DCC: variants seen among roughly 807,000 people sequenced by gnomAD.
DCC encodes the protein netrin receptor DCC.
DCC carries 58 observed loss-of-function variants against 172.5 expected under a neutral mutation model. The ratio of observed to expected loss-of-function variants is 0.34; its 90% CI spans 0.27 to 0.42. The LOEUF (loss-of-function observed/expected upper bound fraction) is 0.42. Ranked by LOEUF, DCC falls within the 10% of genes least tolerant of loss-of-function variation. The pLI, the probability that DCC is intolerant of heterozygous loss-of-function variation, is 1.00. For synonymous variants in DCC, 709 were observed against 644.5 expected (o/e 1.10, Z -1.52); for missense variants, 1,740 against 1,791.0 (o/e 0.97, Z 0.51).
intron 7 of DCC, among the ~76,000 whole-genome samples, chr18:53,156,830 A>G (rs1040304175): frequency 1.3e-5 from 2 of 152,168 alleles, no homozygotes; most frequent in African/African-American, 4.8e-5. Context: ...TCGTTTATTC[A>G]TTTATCCATA....
At chr18:53,088,061 G>A (rs1055782992) in intron 7 of DCC, among the ~76,000 whole-genome samples, 25 of 152,096 alleles carry the variant, frequency 1.6e-4, no homozygotes, top group Non-Finnish European at 1.3e-4. Flanking sequence ...TGTTCTTTTG[G>A]CTTAGGATTG....
intron 1 of DCC, among the ~76,000 whole-genome samples, chr18:52,694,977 G>A (rs1344144796): frequency 6.6e-6 from 1 of 152,170 alleles, no homozygotes; most frequent in Non-Finnish European, 1.5e-5. Context: ...GACACCTTCT[G>A]GGGGAATCAA....
At chr18:52,569,554 T>C (rs1446363199) in intron 1 of DCC, among the ~76,000 whole-genome samples, 1 of 152,202 alleles carries the variant, frequency 6.6e-6, no homozygotes, top group East Asian at 1.9e-4. Context: ...TAGAAGCTTG[T>C]GTTGAAGGGA....
At chr18:52,369,877 T>TA (rs1985042204) in intron 1 of DCC, among the ~76,000 whole-genome samples, 1 of 152,174 alleles carries the variant, frequency 6.6e-6, no homozygotes, top group African/African-American at 2.4e-5. Flanking sequence ...TCAACCTGAA[T>TA]ATGATTGGGA....
chr18:53,007,132 A>G (rs1464584964), intron 5 of DCC, among the ~76,000 whole-genome samples: 3 of 152,096 alleles, frequency 2.0e-5, no homozygotes, highest in Non-Finnish European at 4.4e-5. Context: ...TCCAAGCTTT[A>G]TACATAGAAC....
At chr18:53,001,031 G>A (rs1261204848) in intron 5 of DCC, among the ~76,000 whole-genome samples, 2 of 151,824 alleles carry the variant, frequency 1.3e-5, no homozygotes, top group African/African-American at 2.4e-5. Flanking sequence ...ACATCAAGTT[G>A]GTCGGTAGCT....
intron 1 of DCC, among the ~76,000 whole-genome samples, chr18:52,665,186 T>C (rs114114424): frequency 0.012 from 1,777 of 152,308 alleles, 36 homozygotes; most frequent in African/African-American, 0.039. Context: ...TTGAGTTTGA[T>C]GTGTGGTTTT....
chr18:53,441,123 T>C (rs1187119935), intron 22 of DCC, among the ~76,000 whole-genome samples: 1 of 152,192 alleles, frequency 6.6e-6, no homozygotes, highest in Non-Finnish European at 1.5e-5. Context: ...AGGGAGGGAA[T>C]CTTCCCAGTT....
chr18:52,821,564 C>T (rs751033588), intron 2 of DCC, among the ~76,000 whole-genome samples: 6 of 152,144 alleles, frequency 3.9e-5, no homozygotes, highest in Admixed American at 1.3e-4. Flanking sequence ...TTCAATGAGG[C>T]TTTTCTCTAA....
At chr18:53,516,832 A>ACC (rs1391310105) in intron 27 of DCC, among the ~76,000 whole-genome samples, 33 of 141,366 alleles carry the variant, frequency 2.3e-4, no homozygotes, top group Non-Finnish European at 6.0e-5. Flanking sequence ...AAATAGGAAC[A>ACC]CTTTGACACT....
intron 1 of DCC, among the ~76,000 whole-genome samples, chr18:52,688,413 T>C (rs1362437483): frequency 6.6e-6 from 1 of 152,154 alleles, no homozygotes; most frequent in African/African-American, 2.4e-5. Context: ...TACCCAGGTA[T>C]GTGTGACTCT....
chr18:53,235,959 T>C (rs543998134), intron 12 of DCC, among the ~76,000 whole-genome samples: 2 of 152,260 alleles, frequency 1.3e-5, no homozygotes, highest in Admixed American at 1.3e-4. Flanking sequence ...TTTTGTTAAG[T>C]ATAATTCCAT....
intron 1 of DCC, among the ~76,000 whole-genome samples, chr18:52,429,781 G>C (rs990816182): frequency 6.6e-6 from 1 of 152,062 alleles, no homozygotes; most frequent in African/African-American, 2.4e-5. Context: ...TTTATTACCA[G>C]TAACAGTCAT....
chr18:53,340,503 C>T (rs2057646423), intron 15 of DCC, among the ~76,000 whole-genome samples: 1 of 152,106 alleles, frequency 6.6e-6, no homozygotes, highest in Admixed American at 6.6e-5. Flanking sequence ...CCTGCCCCTA[C>T]CAATCTAGGT....
chr18:53,345,155 A>G (rs945854466), intron 15 of DCC, among the ~76,000 whole-genome samples: 2 of 151,608 alleles, frequency 1.3e-5, no homozygotes, highest in African/African-American at 4.8e-5. Context: ...AAACTTTTAT[A>G]TGTTATAAAA....
chr18:52,909,144 C>T (rs1598919762), intron 3 of DCC, among the ~76,000 whole-genome samples: 2 of 152,220 alleles, frequency 1.3e-5, no homozygotes, highest in East Asian at 3.9e-4. Context: ...TGCCACTTAG[C>T]GTTCTCTCAT....
chr18:53,513,092 A>G (rs1224181449), intron 27 of DCC, among the ~76,000 whole-genome samples: 3 of 152,242 alleles, frequency 2.0e-5, no homozygotes, highest in African/African-American at 4.8e-5. Flanking sequence ...AGGGAAGCCC[A>G]TCGGACTAAC....
At chr18:53,520,038 A>G (rs1008355422) in intron 27 of DCC, among the ~76,000 whole-genome samples, 1 of 152,124 alleles carries the variant, frequency 6.6e-6, no homozygotes, top group Non-Finnish European at 1.5e-5. Flanking sequence ...AGGAGTCACC[A>G]AGAATGGGTG....
chr18:52,677,247 A>G (rs1361680313), intron 1 of DCC, among the ~76,000 whole-genome samples: 1 of 152,196 alleles, frequency 6.6e-6, no homozygotes, highest in Non-Finnish European at 1.5e-5. Flanking sequence ...CATCAGAGCT[A>G]ATACAGAGTG....
Sources: allele counts gnomAD v4.1 joint callset (sites outside exome capture counted in the v4.1 genomes callset), GRCh38; gene constraint gnomAD v4.1.1; transcripts MANE v1.5; gene names NCBI Gene and HGNC (gene_info 2026-07-23, HGNC 2026-07-21).